RYR1: variants seen among roughly 807,000 people sequenced by gnomAD.
RYR1 encodes the protein ryanodine receptor 1.
Under a neutral mutation model 583.5 loss-of-function variants are expected in RYR1, and 342 were observed. The observed-to-expected ratio is 0.59, with a 90% CI of 0.54 to 0.64. The LOEUF (loss-of-function observed/expected upper bound fraction) is 0.64. Ranked by LOEUF, RYR1 falls within the 30% of genes least tolerant of loss-of-function variation. The pLI, the probability that RYR1 is intolerant of heterozygous loss-of-function variation, is 0.00. For synonymous variants in RYR1, 2,791 were observed against 2,822.5 expected, an observed-to-expected ratio of 0.99 and a Z score of 0.35; for missense variants, 6,032 against 6,917.2, an observed-to-expected ratio of 0.87 and a Z score of 4.54.
At chr19:38,513,463 T>C (rs913585988) in intron 63 of RYR1, among the ~76,000 whole-genome samples, 2 of 152,080 alleles carry the variant, frequency 1.3e-5, no homozygotes, top group East Asian at 1.9e-4. Flanking sequence ...CTGGGCAACA[T>C]AGCAAAACCC....
Position 38,519,281 on chromosome 19 carries a change from C to G in RYR1, c.10086C>G (p.Ile3362Met), listed in dbSNP as rs193922835. 1 of 1,614,120 alleles carries G rather than the reference C, an allele frequency of 6.2e-7. No homozygotes were observed. The highest frequency in any genetic ancestry group is 1.3e-5 in the African/African-American group (1 of 75,052). ...ELLQSHFIPTIGRLRKRAGKV... is the reference protein window; with the variant it reads ...ELLQSHFIPTMGRLRKRAGKV... ...TGCAGTCCCACTTCATCCCAACTAT[C>G]GGGCGGCTGCGCAAGAGGGCAGGGA... Residue 3362 changes from isoleucine to methionine, a missense_variant, in exon 67 of 106, where the codon ATC becomes ATG. Ile to Met is a conservative substitution (Grantham distance 10). This residue lies in a region of RYR1 where 1,493 missense variants were observed against 1,715.5 expected (regional missense o/e 0.87). Coordinates refer to ENST00000359596, the MANE Select transcript of RYR1 (RefSeq NM_000540.3).
rs201388370 is a variant in RYR1 at position 38,448,404 on chromosome 19, G to A, written c.850G>A (p.Val284Ile). Residue 284 changes from valine (V) to isoleucine (I), a missense_variant, in exon 10 of 106, where the codon GTC becomes ATC. Val to Ile is a conservative substitution (Grantham distance 29). Transcript: ENST00000359596. ...RWGQPLRVRH[V>I]TTGQYLALTE... ...GGGCCAGCCACTCCGAGTCCGGCAT[G>A]TCACTACCGGGCAGTACCTAGCGCT... is the stretch of plus-strand genomic sequence containing the variant. The A allele has an allele frequency of 3.1e-5, 50 of 1,612,828 alleles. No individual in the cohort carries two copies. The highest frequency in any genetic ancestry group is 8.5e-7 in the Non-Finnish European group (1 of 1,180,024).
chr19:38,549,103 C>CT (rs1046836934), intron 89 of RYR1, among the ~76,000 whole-genome samples: 1 of 152,066 alleles, frequency 6.6e-6, no homozygotes, highest in African/African-American at 2.4e-5. Context: ...GGTTTATAGT[C>CT]TAATGGGGGA....
chr19:38,567,933 G>C lies in RYR1; in HGVS notation c.13659+16G>C. On this transcript the variant is annotated intron_variant, in intron 93 of 105. Transcript: ENST00000359596. ...GAAGTTCCTGGTAAGGATCCAGCCA[G>C]GTCACCTGAACCTTCTTCTCCCCGG... 2 of 1,612,658 alleles carry C rather than the reference G, an allele frequency of 1.2e-6. No individual in the cohort carries two copies. Among genetic ancestry groups the C allele is most frequent in the Non-Finnish European group, 8.5e-7 (1 of 1,179,804 alleles).
intron 87 of RYR1, among the ~76,000 whole-genome samples, chr19:38,544,081 A>G (rs764148081): frequency 6.6e-6 from 1 of 151,556 alleles, no homozygotes; most frequent in Non-Finnish European, 1.5e-5. Context: ...CTCCCCACCA[A>G]TCAGCTGGTT....
Position 38,565,710 on chromosome 19 carries a change from A to G in RYR1, c.13376A>G (p.Asp4459Gly). 7.0e-7 allele frequency: 1 copy of G among 1,424,506 alleles called. No homozygotes were observed. Among genetic ancestry groups the G allele is most frequent in the Non-Finnish European group, 9.1e-7 (1 of 1,097,422 alleles). 88.2% of individuals were successfully genotyped at this position (1,424,506 alleles called of 1,614,324 possible). The change falls in exon 91 of 106, where the codon GAC becomes GGC. Residue 4459 changes from aspartate (D) to glycine (G), a missense_variant. Asp to Gly is a moderately conservative substitution (Grantham distance 94). Around this residue, in one of 11 missense-constraint regions of RYR1, gnomAD observed 753 missense variants for 759.6 expected, o/e 0.99. Coordinates refer to ENST00000359596, the MANE Select transcript of RYR1 (RefSeq NM_000540.3). The surrounding 1 kb of genome is among the most constrained non-coding windows in gnomAD (Gnocchi z 4.7). ...EGAGGLGDMG[D>G]TTPAEPPTPE... ...GCTGGCGGTCTCGGGGACATGGGGG[A>G]CACGACGCCTGCGGAACCGCCCACA...
rs2960347 is a variant in RYR1 at position 38,507,039 on chromosome 19, G to T, written c.8816+87G>T. ...AGGGGCGGGGCCAGAGAGGGGTGGAGCCGAGAGGAACGGGGCCTGAGGAGC... is the reference window on the plus strand; with the variant it reads ...AGGGGCGGGGCCAGAGAGGGGTGGATCCGAGAGGAACGGGGCCTGAGGAGC... On this transcript the variant is annotated intron_variant, in intron 57 of 105. Coordinates refer to ENST00000359596, the MANE Select transcript of RYR1 (RefSeq NM_000540.3). The T allele has an allele frequency of 0.28, 441,884 of 1,592,224 alleles. 65,139 individuals are homozygous for T. Among genetic ancestry groups the T allele is most frequent in the South Asian group, 0.44 (39,845 of 89,600 alleles).
At chr19:38,569,171 T>A (rs923191438) in intron 93 of RYR1, among the ~76,000 whole-genome samples, 1 of 152,128 alleles carries the variant, frequency 6.6e-6, no homozygotes, top group African/African-American at 2.4e-5. Context: ...CCGCCACGCC[T>A]GGCTAATTTT....
intron 22 of RYR1, 117 bp downstream of exon 22, chr19:38,463,967 G>A (rs1967939484): frequency 1.2e-6 from 1 of 820,596 alleles, no homozygotes; most frequent in East Asian, 2.6e-5. Flanking sequence ...AGGGGACAGG[G>A]ATTGTGAGAC....
intron 101 of RYR1, among the ~76,000 whole-genome samples, chr19:38,580,878 A>G (rs7254460): frequency 0.12 from 17,963 of 150,628 alleles, 2,132 homozygotes; most frequent in African/African-American, 0.29. Context: ...ACAGTTTGGC[A>G]AGCTGATGCA....
chr19:38,463,956 G>A (rs1967939016), intron 22 of RYR1, 106 bp downstream of exon 22: 2 of 869,290 alleles, frequency 2.3e-6, no homozygotes, highest in Non-Finnish European at 1.9e-6. Flanking sequence ...GAGAAGGATG[G>A]AGGGGACAGG....
rs762596904 is a variant in RYR1, at chr19:38,475,430, A to G, written c.4273A>G (p.Ile1425Val). The G allele has an allele frequency of 6.8e-6, 11 of 1,613,814 alleles. No individual in the cohort carries two copies. Among genetic ancestry groups the G allele is most frequent in the Non-Finnish European group, 9.3e-6 (11 of 1,180,014 alleles). The change falls in exon 29 of 106, where the codon ATC becomes GTC. Residue 1425 changes from isoleucine (I) to valine (V), a missense_variant. This residue lies in a region of RYR1 where 2,627 missense variants were observed against 2,961.3 expected (regional missense o/e 0.89). Transcript: ENST00000359596. ...VPADNRDDPE[I>V]ILNTTTYYYS... ...TGCAGACAACCGCGATGACCCCGAG[A>G]TCATCCTCAACACCACCACGGTGTG...
chr19:38,463,201 G>T lies in RYR1; in HGVS notation c.2578-222G>T, dbSNP rs73540974. Among the ~76,000 whole-genome samples the T allele has an allele frequency of 5.6e-3, 696 of 124,054 alleles. 7 individuals carry two copies. Among genetic ancestry groups the T allele is most frequent in the African/African-American group, 0.02 (626 of 31,552 alleles). 81.4% of individuals were successfully genotyped at this position (124,054 alleles called of 152,430 possible). A position where few individuals can be genotyped will look rare whatever the true frequency, so the allele number is the denominator to read the frequency against. On this transcript the variant is annotated intron_variant, in intron 20 of 105. Coordinates refer to ENST00000359596, the MANE Select transcript of RYR1 (RefSeq NM_000540.3). ...GGGATTACAGATGTGAGCCACTACG[G>T]CTGGCCCTGGATAATTCCTTAATTC...
In RYR1 at chr19:38,467,639, C is replaced by T. The variant is rs368950468; in HGVS notation, c.3208C>T (p.Arg1070Trp). 3.8e-5 allele frequency: 62 copies of T among 1,614,058 alleles called. No homozygotes were observed. The highest frequency in any genetic ancestry group is 1.8e-4 in the South Asian group (16 of 91,092). The change falls in exon 25 of 106, where the codon CGG becomes TGG. Residue 1070 changes from arginine (R) to tryptophan (W), a missense_variant. Transcript: ENST00000359596. ...SQVENQSRCD[R>W]VRIFRAEKSY... ...GGTGGAGAACCAGTCTCGTTGTGACCGGGTGCGCATCTTCCGGGCAGAGAA... is the reference window on the plus strand; with the variant it reads ...GGTGGAGAACCAGTCTCGTTGTGACTGGGTGCGCATCTTCCGGGCAGAGAA...
In RYR1 at chr19:38,499,896, C is replaced by T. The variant is rs949866726; in HGVS notation, c.7215-12C>T. On this transcript the variant is annotated splice_polypyrimidine_tract_variant and intron_variant, in intron 44 of 105. Transcript: ENST00000359596. The surrounding 1 kb of genome is among the most constrained non-coding windows in gnomAD (Gnocchi z 7.3). ...CCTGGCTGCCTCCCCAACCCACCCA[C>T]CTTCCCTGCAGCTTTGGTGAGGAAC... The T allele has an allele frequency of 6.2e-7, 1 of 1,613,648 alleles. No homozygotes were observed. The highest frequency in any genetic ancestry group is 8.5e-7 in the Non-Finnish European group (1 of 1,179,780).
intron 88 of RYR1, among the ~76,000 whole-genome samples, chr19:38,547,444 A>G (rs974274669): frequency 6.6e-6 from 1 of 151,434 alleles, no homozygotes; most frequent in Non-Finnish European, 1.5e-5. Context: ...GCCAATCTCT[A>G]CCTCTCCTTG....
chr19:38,564,283 G>A (rs941365492), intron 90 of RYR1, among the ~76,000 whole-genome samples: 24 of 152,184 alleles, frequency 1.6e-4, no homozygotes, highest in African/African-American at 5.8e-4. Context: ...CAGCACTTTG[G>A]GAGGGTGAGG....
intron 28 of RYR1, among the ~76,000 whole-genome samples, 191 bp from the exon 29 acceptor site, chr19:38,475,127 A>C (rs1188467191): frequency 6.6e-6 from 1 of 152,196 alleles, no homozygotes; most frequent in Non-Finnish European, 1.5e-5. Flanking sequence ...GTAACTCAGC[A>C]TCCACAAGCG....
chr19:38,502,751 T>TGGGGCG, intron 48 of RYR1, 24 bp downstream of exon 48: 1 of 1,045,444 alleles, frequency 9.6e-7, no homozygotes, highest in Non-Finnish European at 1.3e-6. Context: ...GGCTTCAGGG[T>TGGGGCG]GGGGCAGGGG....
Sources: allele counts gnomAD v4.1 joint callset (sites outside exome capture counted in the v4.1 genomes callset), GRCh38; gene constraint gnomAD v4.1.1; regional missense constraint gnomAD v4.1.1; non-coding constraint Gnocchi (gnomAD v3.1); transcripts MANE v1.5; gene names NCBI Gene and HGNC (gene_info 2026-07-23, HGNC 2026-07-21).